KDR: variants seen among roughly 807,000 people sequenced by gnomAD.
KDR encodes kinase insert domain receptor.
A neutral mutation model predicts 160.9 loss-of-function variants in KDR; 43 were observed. The observed-to-expected ratio is 0.27, with a 90% CI of 0.21 to 0.34. The LOEUF is 0.34. Among genes scored for constraint, KDR ranks in the 10% least tolerant of loss-of-function variants. The pLI is 1.00. For synonymous variants in KDR, 617 were observed against 600.1 expected (o/e 1.03, Z -0.41); for missense variants, 1,469 against 1,666.4 (o/e 0.88, Z 2.06).
chr4:55,116,003 A>G (rs983005421), intron 3 of KDR, among the ~76,000 whole-genome samples: 3 of 152,236 alleles, frequency 2.0e-5, no homozygotes, highest in Non-Finnish European at 2.9e-5. Context: ...AAGACTAGGG[A>G]TATGATTCTT....
chr4:55,096,072 T>G (rs1413215748), intron 19 of KDR, among the ~76,000 whole-genome samples, 157 bp downstream of exon 19: 1 of 152,202 alleles, frequency 6.6e-6, no homozygotes. Flanking sequence ...TTAATTCTAG[T>G]GCCAATTAAA....
chr4:55,114,047 G>T, intron 6 of KDR, 79 bp downstream of exon 6: 2 of 1,473,808 alleles, frequency 1.4e-6, no homozygotes, highest in Non-Finnish European at 9.5e-7. Flanking sequence ...GGCCAAAGAG[G>T]CCCCTATCTC....
At position 55,115,374 on chromosome 4, in the gene KDR, T is replaced by A; in HGVS notation, c.396A>T (p.Gln132His). ...RSPFIASVSD[Q>H]HGVVYITENK... Reference sequence around the variant, plus strand: ...TCTCAGTAATGTACACGACTCCATGTTGGTCACTAACAGAAGCAATAAATG... The same window carrying A: ...TCTCAGTAATGTACACGACTCCATGATGGTCACTAACAGAAGCAATAAATG... The change falls in exon 4 of 30, where the codon CAA (glutamine) becomes CAT (histidine). Residue 132 changes from glutamine to histidine, a missense_variant. By Grantham distance (24) the Gln-to-His change is conservative (BLOSUM62 0). Around this residue, in one of 7 missense-constraint regions of KDR, gnomAD observed 792 missense variants for 840.9 expected, o/e 0.94. Transcript: ENST00000263923. 1 of 1,549,084 alleles carries A rather than the reference T, an allele frequency of 6.5e-7. No individual in the cohort carries two copies. The highest frequency in any genetic ancestry group is 8.9e-7 in the Non-Finnish European group (1 of 1,120,818).
At chr4:55,115,492 AC>A in intron 3 of KDR, 81 bp from the exon 4 acceptor site, 1 of 774,322 alleles carries the variant, frequency 1.3e-6, no homozygotes, top group Non-Finnish European at 2.3e-6. Flanking sequence ...CTAAACTCTA[AC>A]CAGACAAGTG....
chr4:55,085,665 G>A (rs1719844836), intron 27 of KDR, among the ~76,000 whole-genome samples: 2 of 152,166 alleles, frequency 1.3e-5, no homozygotes, highest in Admixed American at 1.3e-4. Flanking sequence ...GAGGTGGAGA[G>A]GAGATGCAGA....
intron 26 of KDR, among the ~76,000 whole-genome samples, chr4:55,088,061 T>C (rs1182582220): frequency 2.0e-5 from 3 of 151,960 alleles, no homozygotes; most frequent in Non-Finnish European, 2.9e-5. Context: ...AGGAGCTACA[T>C]AGAACAAAAA....
intron 27 of KDR, among the ~76,000 whole-genome samples, chr4:55,082,989 A>G (rs2110006309): frequency 6.6e-6 from 1 of 152,304 alleles, no homozygotes; most frequent in East Asian, 1.9e-4. Flanking sequence ...TGGATATATT[A>G]CTGAGTGTTT....
At chr4:55,107,989 A>G (rs1560520422) in intron 9 of KDR, 96 bp from the exon 10 acceptor site, 4 of 1,407,848 alleles carry the variant, frequency 2.8e-6, no homozygotes, top group South Asian at 1.2e-5. Context: ...CTTTAAGCAT[A>G]TGATTTTGCT....
intron 7 of KDR, among the ~76,000 whole-genome samples, chr4:55,112,424 A>G (rs1720611174): frequency 6.6e-6 from 1 of 152,148 alleles, no homozygotes; most frequent in Admixed American, 6.5e-5. Context: ...CATATAACAT[A>G]TAAAATATGT....
At chr4:55,082,093 A>G (rs2110005429) in intron 28 of KDR, 52 bp from the exon 29 acceptor site, 1 of 1,227,352 alleles carries the variant, frequency 8.1e-7, no homozygotes, top group Middle Eastern at 1.9e-4. Context: ...TAAAATGACC[A>G]ACTATTTAAT....
chr4:55,081,932 C>CT, intron 29 of KDR, 24 bp downstream of exon 29: 1 of 1,534,168 alleles, frequency 6.5e-7, no homozygotes. Flanking sequence ...TGAAATTTGT[C>CT]TTTTTAATAT....
chr4:55,115,786 T>C (rs1314274249), intron 3 of KDR, among the ~76,000 whole-genome samples: 1 of 152,242 alleles, frequency 6.6e-6, no homozygotes, highest in African/African-American at 2.4e-5. Context: ...ATATTTACTT[T>C]AAAATTTAAA....
In KDR at chr4:55,104,562, A is replaced by G. The variant is rs1720390379; in HGVS notation, c.1987+81T>C. The G allele has an allele frequency of 8.3e-6, 9 of 1,082,858 alleles. No homozygotes were observed. In the East Asian group the frequency reaches 1.7e-4, roughly 21 times the overall value. The allele number at this position is 1,082,858 out of a possible 1,614,324, so 67.1% of individuals were successfully genotyped here. ...CAACATAATCTCCTAGAGGACAGTA[A>G]TCTTTGCATAGCACCTGAATTGCAC... On this transcript the variant is annotated intron_variant, in intron 13 of 29. Coordinates refer to ENST00000263923, the MANE Select transcript of KDR (RefSeq NM_002253.4).
chr4:55,120,858 G>GTGTGTGTGTT (rs1720853131), intron 2 of KDR, among the ~76,000 whole-genome samples: 1 of 151,568 alleles, frequency 6.6e-6, no homozygotes, highest in African/African-American at 2.4e-5. Context: ...GTGCGTGTGT[G>GTGTGTGTGTT]TGTGTGTGTG....
In KDR at chr4:55,104,932, G is replaced by A. The variant is rs777384738; in HGVS notation, c.1698C>T (p.Ser566=). The change falls in exon 13 of 30, where the codon AGC becomes AGT. Residue 566 remains serine, a synonymous_variant. Transcript: ENST00000263923. The part of the protein sequence containing the change: ...QPDMQPTEQE[S]VSLWCTADRS... The stretch of plus-strand genomic sequence containing the variant: ...TGTCTGCAGTGCACCACAAAGACAC[G>A]CTCTCCTGCTCAGTGGGCTGCATGT... 8.7e-6 allele frequency: 14 copies of A among 1,613,690 alleles called. No individual in the cohort carries two copies. Among genetic ancestry groups the A allele is most frequent in the Admixed American group, 1.7e-5 (1 of 59,978 alleles).
Position 55,114,369 on chromosome 4 carries a change from T to C in KDR, c.659-104A>G, listed in dbSNP as rs188632792. The C allele has an allele frequency of 6.6e-5, 84 of 1,277,148 alleles. No homozygotes were observed. The African/African-American group carries it at 9.2e-4, about 14-fold the overall frequency. The allele number at this position is 1,277,148 out of a possible 1,614,324, so 79.1% of individuals were successfully genotyped here. A position where few individuals can be genotyped will look rare whatever the true frequency, so the allele number is the denominator to read the frequency against. ...TAATGCAACTTTAAAACATGCCACATTGTTTTTCCCTGCAGGCCTCACCAA... is the reference window on the plus strand; with the variant it reads ...TAATGCAACTTTAAAACATGCCACACTGTTTTTCCCTGCAGGCCTCACCAA... On this transcript the variant is annotated intron_variant, in intron 5 of 29. Coordinates refer to ENST00000263923, the MANE Select transcript of KDR (RefSeq NM_002253.4).
At chr4:55,093,755 T>TA (rs1244925010) in intron 21 of KDR, among the ~76,000 whole-genome samples, 2 of 152,216 alleles carry the variant, frequency 1.3e-5, no homozygotes, top group Non-Finnish European at 2.9e-5. Flanking sequence ...TCTAGACTTA[T>TA]GCCTCAAGGG....
intron 18 of KDR, among the ~76,000 whole-genome samples, chr4:55,097,044 A>G (rs1720175675): frequency 6.6e-6 from 1 of 152,218 alleles, no homozygotes; most frequent in Non-Finnish European, 1.5e-5. Flanking sequence ...GCCTTCATCA[A>G]TGAAAGAACA....
chr4:55,121,687 T>C (rs1351404779), intron 1 of KDR, among the ~76,000 whole-genome samples: 2 of 152,188 alleles, frequency 1.3e-5, no homozygotes, highest in Non-Finnish European at 2.9e-5. Context: ...CCTTTATCAA[T>C]TTTCTAGTGC....
Sources: gnomAD v4.1 joint callset for allele counts (sites outside exome capture counted in the v4.1 genomes callset) on GRCh38, gnomAD v4.1.1 for gene constraint, gnomAD v4.1.1 regional missense constraint, MANE v1.5 for transcripts, NCBI Gene and HGNC (gene_info 2026-07-23, HGNC 2026-07-21) for gene names.